The following SNRPG variants were observed in gnomAD, a reference collection of about 807,000 sequenced individuals.
The protein encoded by SNRPG is small nuclear ribonucleoprotein polypeptide G.
In SNRPG, 3 loss-of-function variants were observed where a neutral mutation model predicts 13.9. That is an observed-to-expected ratio of 0.22 (90% CI 0.10 to 0.56). The LOEUF (loss-of-function observed/expected upper bound fraction) is 0.56, where lower values mean the gene tolerates loss of function less well. SNRPG is among the 20% of genes least tolerant of loss of function. SNRPG has a pLI of 0.93. For missense variants in SNRPG, 34 were observed against 96.1 expected, an observed-to-expected ratio of 0.35 and a Z score of 2.70; for synonymous variants, 29 against 29.3, an observed-to-expected ratio of 0.99 and a Z score of 0.03.
In SNRPG at chr2:70,289,343, A is replaced by G; in HGVS notation, c.55+7T>C. 1 of 1,419,796 alleles carries G rather than the reference A, an allele frequency of 7.0e-7. No homozygotes were observed. Among genetic ancestry groups the G allele is most frequent in the Non-Finnish European group, 9.8e-7 (1 of 1,021,878 alleles). 87.9% of individuals were successfully genotyped at this position (1,419,796 alleles called of 1,614,324 possible). On this transcript the variant is annotated splice_region_variant and intron_variant, in intron 2 of 3. Transcript: ENST00000272348. ...TAAAAAAAACCCCAAAACAACAACA[A>G]ACTTACATGATAACTTCTTGTCCAT...
At position 70,293,124 on chromosome 2, in the gene SNRPG, G is replaced by A. The variant is rs900570009; in HGVS notation, c.32+494C>T. On this transcript the variant is annotated intron_variant, in intron 1 of 3. Coordinates refer to ENST00000272348, the MANE Select transcript of SNRPG (RefSeq NM_003096.4). ...AAAAGAAGGCAAGAAAAAGGAATGA[G>A]GTTTCTAAGTAAAAGCTCAAACACC... The A allele has an allele frequency of 1.0e-5, 7 of 699,750 alleles. No homozygotes were observed. In the African/African-American group the frequency reaches 1.1e-4, roughly 11 times the overall value. 43.3% of individuals were successfully genotyped at this position (699,750 alleles called of 1,614,324 possible).
At position 70,289,325 on chromosome 2, in the gene SNRPG, A is replaced by C. The variant is rs778891664; in HGVS notation, c.55+25T>G. 27 of 1,365,418 alleles carry C rather than the reference A, an allele frequency of 2.0e-5. 1 individual carries two copies. Among genetic ancestry groups the C allele is most frequent in the Middle Eastern group, 1.8e-4 (1 of 5,494 alleles). 84.6% of individuals were successfully genotyped at this position (1,365,418 alleles called of 1,614,324 possible). ...AAAAAGCAATTAAATAATTAAAAAA[A>C]ACCCCAAAACAACAACAAACTTACA... On this transcript the variant is annotated intron_variant, in intron 2 of 3. Transcript: ENST00000272348.
chr2:70,285,379 C>T (rs894510224), intron 3 of SNRPG, among the ~76,000 whole-genome samples: 5 of 152,114 alleles, frequency 3.3e-5, no homozygotes, highest in South Asian at 2.1e-4. Flanking sequence ...TGAGACCAGC[C>T]TGGCCAACAT....
At chr2:70,287,225 C>A in intron 3 of SNRPG, 1 of 676,980 alleles carries the variant, frequency 1.5e-6, no homozygotes, top group South Asian at 1.6e-5. Context: ...ACTTAAAAAT[C>A]AAGGTTAATA....
Position 70,293,702 on chromosome 2 carries a change from C to T in SNRPG, c.-53G>A. On this transcript the variant is annotated 5_prime_UTR_variant, in exon 1 of 4. Transcript: ENST00000272348. The stretch of plus-strand genomic sequence containing the variant: ...CCTTGGAACGCAACGCACGGCTTTC[C>T]TCACGCTCCCGCTGTAGGCCCGGCG... 2 of 1,567,308 alleles carry T rather than the reference C, an allele frequency of 1.3e-6. No individual in the cohort carries two copies. Among genetic ancestry groups the T allele is most frequent in the East Asian group, 2.2e-5 (1 of 44,682 alleles).
At position 70,281,538 on chromosome 2, in the gene SNRPG, G is replaced by A. The variant is rs1696783487; in HGVS notation, c.*96C>T. ...ATTACAAAAGTTTATTTAACAAAAA[G>A]TCTAATATGAAAATGTACATGACCT... On this transcript the variant is annotated 3_prime_UTR_variant, in exon 4 of 4. Coordinates refer to ENST00000272348, the MANE Select transcript of SNRPG (RefSeq NM_003096.4). The A allele has an allele frequency of 1.6e-6, 1 of 633,714 alleles. No homozygotes were observed. 39.3% of individuals were successfully genotyped at this position (633,714 alleles called of 1,614,324 possible). A position where few individuals can be genotyped will look rare whatever the true frequency, so the allele number is the denominator to read the frequency against.
At chr2:70,291,697 G>A (rs924730841) in intron 1 of SNRPG, among the ~76,000 whole-genome samples, 4 of 152,118 alleles carry the variant, frequency 2.6e-5, no homozygotes, top group African/African-American at 9.6e-5. Flanking sequence ...AGATCTGACC[G>A]GATTTCACAA....
At chr2:70,290,585 G>C (rs1257458739) in intron 1 of SNRPG, among the ~76,000 whole-genome samples, 3 of 151,848 alleles carry the variant, frequency 2.0e-5, no homozygotes, top group Admixed American at 6.6e-5. Flanking sequence ...TATGGGCCAC[G>C]AAGTGGGGCA....
intron 2 of SNRPG, among the ~76,000 whole-genome samples, chr2:70,288,847 G>A (rs1446154568): frequency 7.6e-6 from 1 of 131,472 alleles, no homozygotes; most frequent in African/African-American, 2.5e-5. Flanking sequence ...GATAAAGTCT[G>A]AAGTGCTGTT....
At chr2:70,290,636 T>C (rs750609213) in intron 1 of SNRPG, among the ~76,000 whole-genome samples, 14 of 151,638 alleles carry the variant, frequency 9.2e-5, no homozygotes, top group Non-Finnish European at 7.4e-5. Context: ...TGGGAAAATG[T>C]AAATATAAAA....
Position 70,293,678 on chromosome 2 carries a change from C to A in SNRPG, c.-29G>T. On this transcript the variant is annotated 5_prime_UTR_variant, in exon 1 of 4. In the 5' UTR this introduces an upstream ATG that the reference lacks. Coordinates refer to ENST00000272348, the MANE Select transcript of SNRPG (RefSeq NM_003096.4). ...GTATACTCCGCGGGCTCACAGATGC[C>A]TTGGAACGCAACGCACGGCTTTCCT... 6.2e-7 allele frequency: 1 copy of A among 1,612,602 alleles called. No homozygotes were observed. The highest frequency in any genetic ancestry group is 8.5e-7 in the Non-Finnish European group (1 of 1,178,604).
chr2:70,283,110 A>AC (rs1696846090), intron 3 of SNRPG, among the ~76,000 whole-genome samples: 3 of 147,680 alleles, frequency 2.0e-5, no homozygotes, highest in African/African-American at 5.0e-5. Context: ...AAAAAAAAAA[A>AC]AAAAAAAAAA....
chr2:70,293,276 T>TAC, intron 1 of SNRPG: 1 of 698,218 alleles, frequency 1.4e-6, no homozygotes, highest in East Asian at 2.7e-5. Context: ...TAGCCGTCTA[T>TAC]CTAGAACATG....
chr2:70,289,089 T>G (rs981010423), intron 2 of SNRPG, among the ~76,000 whole-genome samples: 4 of 152,070 alleles, frequency 2.6e-5, no homozygotes, highest in Non-Finnish European at 5.9e-5. Context: ...TAACTGGGAC[T>G]ACAGGCGCCC....
At chr2:70,281,790 T>C (rs764339201) in intron 3 of SNRPG, 106 bp from the exon 4 acceptor site, 5 of 641,916 alleles carry the variant, frequency 7.8e-6, no homozygotes, top group Middle Eastern at 2.6e-4. Context: ...TAATATTACA[T>C]GTCGGTTTGC....
intron 1 of SNRPG, chr2:70,293,323 A>G (rs1231439894): frequency 1.5e-6 from 1 of 653,072 alleles, no homozygotes; most frequent in Non-Finnish European, 2.8e-6. Context: ...GTAGCACTGG[A>G]GATCTTCAAG....
In SNRPG at chr2:70,293,731, T is replaced by TGCGTCTG; in HGVS notation, c.-89_-83dup. The TGCGTCTG allele has an allele frequency of 7.4e-7, 1 of 1,351,740 alleles. No homozygotes were observed. The highest frequency in any genetic ancestry group is 1.1e-6 in the Non-Finnish European group (1 of 941,000). 83.7% of individuals were successfully genotyped at this position (1,351,740 alleles called of 1,614,324 possible). A position where few individuals can be genotyped will look rare whatever the true frequency, so the allele number is the denominator to read the frequency against. On this transcript the variant is annotated 5_prime_UTR_variant, in exon 1 of 4. Transcript: ENST00000272348. ...CGCTCCCGCTGTAGGCCCGGCGTCT[T>TGCGTCTG]GCGTCTGGCGTCATCGACCTCGTTA...
intron 2 of SNRPG, among the ~76,000 whole-genome samples, 167 bp downstream of exon 2, chr2:70,289,183 G>C (rs908583579): frequency 6.6e-6 from 1 of 152,100 alleles, no homozygotes; most frequent in African/African-American, 2.4e-5. Context: ...TTGATCTCCT[G>C]ATCTCACGAT....
intron 3 of SNRPG, chr2:70,287,762 A>G (rs184194892): frequency 2.3e-6 from 1 of 435,002 alleles, no homozygotes; most frequent in African/African-American, 2.0e-5. Context: ...TATACACATT[A>G]AGGTTTCAGA....
Sources: allele counts gnomAD v4.1 joint callset (sites outside exome capture counted in the v4.1 genomes callset), GRCh38; gene constraint gnomAD v4.1.1; transcripts MANE v1.5; gene names NCBI Gene and HGNC (gene_info 2026-07-23, HGNC 2026-07-21).